IL15: variants seen among roughly 807,000 people sequenced by gnomAD.
IL15 encodes the protein interleukin 15.
IL15 carries 11 observed loss-of-function variants against 19.6 expected under a neutral mutation model. The ratio of observed to expected loss-of-function variants is 0.56; its 90% CI spans 0.35 to 0.93. The LOEUF is 0.93. Among genes scored for constraint, IL15 ranks in the 40% least tolerant of loss-of-function variants. IL15 has a pLI of 0.01. For synonymous variants in IL15, 58 were observed against 59.6 expected (o/e 0.97, Z 0.12); for missense variants, 197 against 186.5 (o/e 1.06, Z -0.33).
chr4:141,661,134 A>G (rs1560906256), intron 2 of IL15, among the ~76,000 whole-genome samples: 1 of 152,194 alleles, frequency 6.6e-6, no homozygotes. Context: ...GAGTAACCAT[A>G]AAATCCAGAA....
At chr4:141,657,987 C>T (rs951188585) in intron 2 of IL15, among the ~76,000 whole-genome samples, 4 of 152,134 alleles carry the variant, frequency 2.6e-5, no homozygotes, top group African/African-American at 9.7e-5. Context: ...TGTGTTTCCA[C>T]CAGCATCACC....
At chr4:141,647,507 A>G (rs546215537) in intron 1 of IL15, among the ~76,000 whole-genome samples, 113 of 152,188 alleles carry the variant, frequency 7.4e-4, no homozygotes, top group African/African-American at 2.6e-3. Context: ...GCAAATGTAT[A>G]TATAGATGGC....
intron 7 of IL15, among the ~76,000 whole-genome samples, chr4:141,730,571 T>G (rs1372768551): frequency 6.6e-6 from 1 of 152,148 alleles, no homozygotes. Context: ...TGTTATCTCA[T>G]GAGAAGATAA....
At chr4:141,656,494 G>C (rs1178007533) in intron 2 of IL15, among the ~76,000 whole-genome samples, 187 bp downstream of exon 2, 2 of 152,146 alleles carry the variant, frequency 1.3e-5, no homozygotes, top group Non-Finnish European at 2.9e-5. Flanking sequence ...TGAAGGCACA[G>C]AATATTGCAC....
chr4:141,729,879 T>C lies in IL15; in HGVS notation c.273T>C (p.Phe91=). ...GCAAAGTAACAGCAATGAAGTGCTT[T>C]CTCTTGGAGTTACAAGTTATTTCAC... ...PSCKVTAMKC[F]LLELQVISLE... is the part of the protein sequence containing the mutation. Residue 91 remains phenylalanine (F), a synonymous_variant, in exon 7 of 8, where the codon TTT becomes TTC. Transcript: ENST00000320650. 1 of 1,582,634 alleles carries C rather than the reference T, an allele frequency of 6.3e-7. No homozygotes were observed. The highest frequency in any genetic ancestry group is 1.1e-5 in the South Asian group (1 of 90,268).
intron 2 of IL15, among the ~76,000 whole-genome samples, chr4:141,705,256 G>A (rs957081697): frequency 5.9e-5 from 9 of 151,644 alleles, no homozygotes; most frequent in African/African-American, 1.5e-4. Flanking sequence ...TCACTATGTC[G>A]CATAGGTTTT....
intron 1 of IL15, among the ~76,000 whole-genome samples, chr4:141,647,277 A>G (rs979919691): frequency 6.6e-6 from 1 of 152,068 alleles, no homozygotes; most frequent in Non-Finnish European, 1.5e-5. Flanking sequence ...GAACAGATAT[A>G]TATTACAGCT....
intron 2 of IL15, among the ~76,000 whole-genome samples, chr4:141,691,514 G>C (rs1386025873): frequency 2.6e-5 from 4 of 152,154 alleles, no homozygotes; most frequent in Non-Finnish European, 2.9e-5. Flanking sequence ...TCAAAAACAA[G>C]TTAGTTATTT....
intron 2 of IL15, among the ~76,000 whole-genome samples, chr4:141,669,828 A>G (rs1728110296): frequency 6.6e-6 from 1 of 151,528 alleles, no homozygotes; most frequent in South Asian, 2.1e-4. Flanking sequence ...GCAAAAATGT[A>G]GGACACCAAA....
chr4:141,660,716 G>A (rs1727758500), intron 2 of IL15, among the ~76,000 whole-genome samples: 1 of 152,152 alleles, frequency 6.6e-6, no homozygotes, highest in African/African-American at 2.4e-5. Context: ...ATACTCTAAA[G>A]TAGGTTCCAA....
chr4:141,688,643 G>T (rs1018465074), intron 2 of IL15, among the ~76,000 whole-genome samples: 10 of 149,570 alleles, frequency 6.7e-5, no homozygotes, highest in Non-Finnish European at 1.4e-4. Flanking sequence ...GATCTCTTTG[G>T]AACTCATGGT....
chr4:141,711,086 A>C (rs1180360633), intron 2 of IL15, among the ~76,000 whole-genome samples: 1 of 152,182 alleles, frequency 6.6e-6, no homozygotes. Context: ...TGGTTGTGGT[A>C]GTAATTTCAT....
At chr4:141,713,080 GTATTGGGGCTTATTTAGCCTTGA>G (rs1729762255) in intron 2 of IL15, among the ~76,000 whole-genome samples, 1 of 152,058 alleles carries the variant, frequency 6.6e-6, no homozygotes, top group Non-Finnish European at 1.5e-5. Context: ...ATTATAGTTT[GTATTGGGGCTTATTTAGCCTTGA>G]TATTGAATAC....
At chr4:141,689,344 C>T (rs977736530) in intron 2 of IL15, among the ~76,000 whole-genome samples, 1 of 152,166 alleles carries the variant, frequency 6.6e-6, no homozygotes, top group African/African-American at 2.4e-5. Context: ...TCTGTTTTGA[C>T]AGGGCGCTGA....
At position 141,727,994 on chromosome 4, in the gene IL15, CT is replaced by C. The variant is rs768454699; in HGVS notation, c.240+17del. ...GGAAAGTGATGTTCACGTGAGTATA[CT>C]TTTTTTCAAAATTGCTATTTGTCTT... On this transcript the variant is annotated intron_variant, in intron 6 of 7. Transcript: ENST00000320650. The C allele has an allele frequency of 2.4e-5, 31 of 1,274,880 alleles. No individual in the cohort carries two copies. The highest frequency in any genetic ancestry group is 6.3e-5 in the Admixed American group (3 of 47,854). 79.0% of individuals were successfully genotyped at this position (1,274,880 alleles called of 1,614,324 possible). A position where few individuals can be genotyped will look rare whatever the true frequency, so the allele number is the denominator to read the frequency against.
chr4:141,706,026 A>T (rs1729502952), intron 2 of IL15, among the ~76,000 whole-genome samples: 1 of 151,908 alleles, frequency 6.6e-6, no homozygotes, highest in Non-Finnish European at 1.5e-5. Context: ...TCTATCTTTT[A>T]ACTGGAGAAT....
intron 1 of IL15, among the ~76,000 whole-genome samples, chr4:141,641,480 G>A (rs912981898): frequency 4.6e-5 from 7 of 151,992 alleles, no homozygotes; most frequent in African/African-American, 1.7e-4. Flanking sequence ...AGAAAATGTG[G>A]CACATATACA....
In IL15 at chr4:141,666,226, G is replaced by C. The variant is rs1042017621; in HGVS notation, c.-100+9919G>C. On this transcript the variant is annotated intron_variant, in intron 2 of 7. Coordinates refer to ENST00000320650, the MANE Select transcript of IL15 (RefSeq NM_000585.5). ...CGCCATTCTCCTGCCTCAGCCTCCC[G>C]AGTAGCTGGGACTACAGGCGCCCAC... Among the ~76,000 whole-genome samples, 180 of 152,102 alleles carry C rather than the reference G, an allele frequency of 1.2e-3. 1 individual carries two copies. Among genetic ancestry groups the C allele is most frequent in the African/African-American group, 4.1e-3 (171 of 41,512 alleles).
In IL15 at chr4:141,733,946, G is replaced by A. The variant is rs887971009; in HGVS notation, c.*1098G>A. The A allele has an allele frequency of 6.6e-6, 1 of 152,154 alleles. No homozygotes were observed. The highest frequency in any genetic ancestry group is 6.5e-5 in the Admixed American group (1 of 15,268). 9.4% of individuals were successfully genotyped at this position (152,154 alleles called of 1,614,324 possible). A position where few individuals can be genotyped will look rare whatever the true frequency, so the allele number is the denominator to read the frequency against. ...TCTCTTCTAATGGAACTGTAAGAAA[G>A]ATGAAATATTTTTGTTTTATTATAA... On this transcript the variant is annotated 3_prime_UTR_variant, in exon 8 of 8. Transcript: ENST00000320650.
Sources: gnomAD v4.1 joint callset for allele counts (sites outside exome capture counted in the v4.1 genomes callset) on GRCh38, gnomAD v4.1.1 for gene constraint, MANE v1.5 for transcripts, NCBI Gene and HGNC (gene_info 2026-07-23, HGNC 2026-07-21) for gene names.